Variants in DTNB observed in about 807,000 individuals in gnomAD.
The protein encoded by DTNB is dystrobrevin beta.
DTNB carries 63 observed loss-of-function variants against 90.7 expected under a neutral mutation model. The ratio of observed to expected loss-of-function variants is 0.69; its 90% CI spans 0.57 to 0.86. DTNB has a LOEUF of 0.86. Ranked by LOEUF, DTNB falls within the 40% of genes least tolerant of loss-of-function variation. The pLI is 0.00. For missense variants in DTNB, 744 were observed against 807.1 expected (o/e 0.92, Z 0.95); for synonymous variants, 277 against 286.7 (o/e 0.97, Z 0.34).
intron 15 of DTNB, among the ~76,000 whole-genome samples, chr2:25,420,295 G>A (rs909291681): frequency 8.6e-6 from 1 of 116,228 alleles, no homozygotes; most frequent in Admixed American, 1.0e-4. Context: ...TTTTCAGTGA[G>A]TCCCATACAT....
intron 12 of DTNB, among the ~76,000 whole-genome samples, chr2:25,440,967 C>T (rs1480875438): frequency 6.6e-6 from 1 of 152,164 alleles, no homozygotes; most frequent in Non-Finnish European, 1.5e-5. Context: ...GCCTACCTTT[C>T]CCCTCTCTTT....
intron 1 of DTNB, among the ~76,000 whole-genome samples, chr2:25,667,275 G>A (rs1360688758): frequency 2.0e-5 from 3 of 152,238 alleles, no homozygotes; most frequent in African/African-American, 7.2e-5. Context: ...AATCACTTGA[G>A]GTCAGGAGTT....
At chr2:25,582,929 C>CCAA (rs2061766184) in intron 6 of DTNB, among the ~76,000 whole-genome samples, 1 of 152,002 alleles carries the variant, frequency 6.6e-6, no homozygotes, top group Admixed American at 6.6e-5. Context: ...ATGCAAATAA[C>CCAA]CAACAAACCA....
At chr2:25,473,270 A>G (rs1236746600) in intron 10 of DTNB, among the ~76,000 whole-genome samples, 2 of 152,178 alleles carry the variant, frequency 1.3e-5, no homozygotes, top group East Asian at 1.9e-4. Context: ...GTGAAAAAAA[A>G]TCTCTGGTTA....
intron 10 of DTNB, among the ~76,000 whole-genome samples, chr2:25,479,339 C>G (rs2064416227): frequency 1.3e-5 from 2 of 152,052 alleles, no homozygotes; most frequent in Admixed American, 1.3e-4. Flanking sequence ...CATTCTGAAC[C>G]TTGGGGAAAA....
chr2:25,483,050 C>T (rs2065321219), intron 9 of DTNB, among the ~76,000 whole-genome samples, 177 bp from the exon 10 acceptor site: 1 of 148,738 alleles, frequency 6.7e-6, no homozygotes. Context: ...GGTGGGGACC[C>T]ATGGAGGGGG....
At chr2:25,614,797 T>A (rs1345318207) in intron 4 of DTNB, among the ~76,000 whole-genome samples, 2 of 152,202 alleles carry the variant, frequency 1.3e-5, no homozygotes, top group African/African-American at 4.8e-5. Flanking sequence ...TTTTTCCTAC[T>A]CTCTTACACA....
intron 12 of DTNB, among the ~76,000 whole-genome samples, chr2:25,435,041 G>A (rs12996921): frequency 0.35 from 52,480 of 151,594 alleles, 10,581 homozygotes; most frequent in Non-Finnish European, 0.46. Context: ...TCCTTTTTGA[G>A]ACAGAGTCTC....
chr2:25,530,858 A>AG (rs1219166500), intron 9 of DTNB, among the ~76,000 whole-genome samples: 2 of 152,212 alleles, frequency 1.3e-5, no homozygotes, highest in Admixed American at 6.5e-5. Flanking sequence ...GAGTGAAGAA[A>AG]GCAGTTTACA....
At chr2:25,475,856 A>G (rs1285203102) in intron 10 of DTNB, among the ~76,000 whole-genome samples, 2 of 152,186 alleles carry the variant, frequency 1.3e-5, no homozygotes, top group African/African-American at 4.8e-5. Context: ...ATGACAGCAC[A>G]TCTGTTTACA....
chr2:25,622,668 C>T (rs780736960), intron 4 of DTNB, among the ~76,000 whole-genome samples: 5 of 152,118 alleles, frequency 3.3e-5, no homozygotes, highest in Non-Finnish European at 7.4e-5. Flanking sequence ...CTCTAGCCCA[C>T]ATGTCCAAGT....
At chr2:25,434,399 C>CTTTTTTTTTTTT (rs1179596539) in intron 12 of DTNB, among the ~76,000 whole-genome samples, 3 of 95,506 alleles carry the variant, frequency 3.1e-5, no homozygotes, top group African/African-American at 8.6e-5. Flanking sequence ...ATGAACTAGT[C>CTTTTTTTTTTTT]TTTTTTTTTT....
At chr2:25,618,636 T>C (rs1170826666) in intron 4 of DTNB, among the ~76,000 whole-genome samples, 2 of 152,190 alleles carry the variant, frequency 1.3e-5, no homozygotes, top group Non-Finnish European at 2.9e-5. Flanking sequence ...CCATTAACAG[T>C]GAATACGAAC....
rs1443963425 is a variant in DTNB, at chr2:25,420,516, A to ATCTG, written c.1555-982_1555-981insCAGA. ...TATCTATCTATCTATCTATCTATCTATCTATCTGTCTGTCTATCGACAGAG... is the reference window on the plus strand; with the variant it reads ...TATCTATCTATCTATCTATCTATCTATCTGTCTATCTGTCTGTCTATCGACAGAG... On this transcript the variant is annotated intron_variant, in intron 15 of 20. Transcript: ENST00000406818. Among the ~76,000 whole-genome samples, 286 of 83,980 alleles carry ATCTG rather than the reference A, an allele frequency of 3.4e-3. 1 individual carries two copies. Among genetic ancestry groups the ATCTG allele is most frequent in the African/African-American group, 8.7e-3 (273 of 31,366 alleles). 55.1% of individuals were successfully genotyped at this position (83,980 alleles called of 152,430 possible).
intron 1 of DTNB, among the ~76,000 whole-genome samples, chr2:25,653,603 C>A (rs1175497046): frequency 4.0e-5 from 6 of 150,526 alleles, no homozygotes; most frequent in Non-Finnish European, 1.5e-5. Context: ...CCTCCGACTC[C>A]CGGGTTCAAG....
intron 6 of DTNB, among the ~76,000 whole-genome samples, chr2:25,584,704 G>A (rs1254940909): frequency 2.0e-5 from 3 of 151,998 alleles, no homozygotes; most frequent in Non-Finnish European, 4.4e-5. Flanking sequence ...CTACAGGCGT[G>A]TGCCACCATG....
At chr2:25,626,685 G>T (rs764522831) in intron 4 of DTNB, among the ~76,000 whole-genome samples, 3 of 152,256 alleles carry the variant, frequency 2.0e-5, no homozygotes, top group Non-Finnish European at 4.4e-5. Context: ...TGTGAATTTA[G>T]TGAGTGCTTA....
intron 8 of DTNB, among the ~76,000 whole-genome samples, chr2:25,551,972 TTTC>T (rs1011485973): frequency 2.6e-5 from 4 of 152,272 alleles, no homozygotes; most frequent in African/African-American, 7.2e-5. Flanking sequence ...ATCTATTTAA[TTTC>T]TTATTTTAAC....
chr2:25,620,397 G>A (rs1235111953), intron 4 of DTNB, among the ~76,000 whole-genome samples: 1 of 152,158 alleles, frequency 6.6e-6, no homozygotes, highest in African/African-American at 2.4e-5. Context: ...ATGGACAGGA[G>A]AAGTCTCTCT....
Sources: allele counts gnomAD v4.1 joint callset (sites outside exome capture counted in the v4.1 genomes callset), GRCh38; gene constraint gnomAD v4.1.1; transcripts MANE v1.5; gene names NCBI Gene and HGNC (gene_info 2026-07-23, HGNC 2026-07-21).